Variants in DPP9 observed in about 807,000 individuals in gnomAD.
The protein encoded by DPP9 is dipeptidyl peptidase IV-related protein-2.
A neutral mutation model predicts 110.7 loss-of-function variants in DPP9; 50 were observed. The ratio of observed to expected loss-of-function variants is 0.45; its 90% CI spans 0.36 to 0.57. The LOEUF (loss-of-function observed/expected upper bound fraction) is 0.57. Among genes scored for constraint, DPP9 ranks in the 20% least tolerant of loss-of-function variants. The pLI is 0.00. For synonymous variants in DPP9, 561 were observed against 514.4 expected, an observed-to-expected ratio of 1.09 and a Z score of -1.23; for missense variants, 1,022 against 1,217.9, an observed-to-expected ratio of 0.84 and a Z score of 2.39.
intron 13 of DPP9, among the ~76,000 whole-genome samples, chr19:4,692,392 G>A (rs966993944): frequency 5.9e-5 from 9 of 152,162 alleles, no homozygotes; most frequent in Non-Finnish European, 7.4e-5. Context: ...TTTCCCTGGC[G>A]TAGAGGTCTG....
At position 4,694,090 on chromosome 19, in the gene DPP9, C is replaced by T. The variant is rs2091571906; in HGVS notation, c.1516+571G>A. Among the ~76,000 whole-genome samples the T allele has an allele frequency of 6.6e-6, 1 of 151,038 alleles. No homozygotes were observed. The highest frequency in any genetic ancestry group is 2.4e-5 in the African/African-American group (1 of 41,382). On this transcript the variant is annotated intron_variant, in intron 13 of 21. Coordinates refer to ENST00000262960, the MANE Select transcript of DPP9 (RefSeq NM_139159.5). This position sits in a 1 kb window ranked among gnomAD's most constrained non-coding sequence, Gnocchi z 4.0. ...ACGCACATCACACCAGAGGCAGCACCTCTAACTGTTTCTGGAATACTGCCT... is the reference window on the plus strand; with the variant it reads ...ACGCACATCACACCAGAGGCAGCACTTCTAACTGTTTCTGGAATACTGCCT...
Position 4,695,586 on chromosome 19 carries a change from G to T in DPP9, c.1176-31C>A, listed in dbSNP as rs1568314527. 2 of 1,440,014 alleles carry T rather than the reference G, an allele frequency of 1.4e-6. No homozygotes were observed. The highest frequency in any genetic ancestry group is 1.8e-6 in the Non-Finnish European group (2 of 1,094,638). The allele number at this position is 1,440,014 out of a possible 1,614,324, so 89.2% of individuals were successfully genotyped here. ...GGGGAAGATGCGGGGGAAGATGAGA[G>T]GGAAGCTGGGAGCCTCAGTGGCCTG... On this transcript the variant is annotated intron_variant, in intron 11 of 21. Transcript: ENST00000262960. This position sits in a 1 kb window ranked among gnomAD's most constrained non-coding sequence, Gnocchi z 4.7.
intron 3 of DPP9, among the ~76,000 whole-genome samples, chr19:4,716,331 G>A (rs1228454872): frequency 7.2e-5 from 11 of 152,132 alleles, no homozygotes; most frequent in Non-Finnish European, 1.3e-4. Context: ...GGATGTCAAC[G>A]AGCGCCTTTG....
chr19:4,714,422 G>T, intron 3 of DPP9, 85 bp from the exon 4 acceptor site: 1 of 1,427,000 alleles, frequency 7.0e-7, no homozygotes, highest in Non-Finnish European at 9.2e-7. Context: ...GAGGCACTCA[G>T]GTTCTTCCAG....
At chr19:4,683,668 C>T (rs1228393090) in intron 18 of DPP9, 39 bp from the exon 19 acceptor site, 2 of 1,613,036 alleles carry the variant, frequency 1.2e-6, no homozygotes, top group African/African-American at 1.3e-5. Flanking sequence ...TGGCCTCCTC[C>T]CGGTATGTCC....
At position 4,682,906 on chromosome 19, in the gene DPP9, G is replaced by T; in HGVS notation, c.2332-68C>A. On this transcript the variant is annotated intron_variant, in intron 19 of 21. Transcript: ENST00000262960. This position sits in a 1 kb window ranked among gnomAD's most constrained non-coding sequence, Gnocchi z 7.1. Reference sequence around the variant, plus strand: ...AAACAGGCGTCGGGTCCTACAGCCAGCATCAGCCGCTGTCCCGGGGCCGCC... The same window carrying T: ...AAACAGGCGTCGGGTCCTACAGCCATCATCAGCCGCTGTCCCGGGGCCGCC... 6.5e-7 allele frequency: 1 copy of T among 1,541,314 alleles called. No homozygotes were observed.
chr19:4,721,297 T>C (rs1225960195), intron 2 of DPP9, among the ~76,000 whole-genome samples: 2 of 152,210 alleles, frequency 1.3e-5, no homozygotes, highest in Admixed American at 6.5e-5. Flanking sequence ...GCCACATCTA[T>C]CCTGGTCCCA....
At chr19:4,697,494 G>A in intron 11 of DPP9, 57 bp downstream of exon 11, 1 of 1,459,874 alleles carries the variant, frequency 6.8e-7, no homozygotes, top group Non-Finnish European at 9.4e-7. Flanking sequence ...TTCGGTGGCT[G>A]CCCAGGGCCC....
chr19:4,693,020 C>A lies in DPP9; in HGVS notation c.1516+1641G>T, dbSNP rs2091465635. Among the ~76,000 whole-genome samples the A allele has an allele frequency of 6.6e-6, 1 of 152,140 alleles. No individual in the cohort carries two copies. Among genetic ancestry groups the A allele is most frequent in the African/African-American group, 2.4e-5 (1 of 41,442 alleles). On this transcript the variant is annotated intron_variant, in intron 13 of 21. Transcript: ENST00000262960. The surrounding 1 kb of genome is among the most constrained non-coding windows in gnomAD (Gnocchi z 5.0). ...AGCTCCTGCAGTCCCGGATGCCTCG[C>A]TCCCTGGGGTCTCTGTCCCCTGTGT...
At position 4,682,878 on chromosome 19, in the gene DPP9, G is replaced by A. The variant is rs1031223791; in HGVS notation, c.2332-40C>T. 2.6e-6 allele frequency: 4 copies of A among 1,556,712 alleles called. No homozygotes were observed. In the African/African-American group the frequency reaches 4.1e-5, roughly 16 times the overall value. On this transcript the variant is annotated intron_variant, in intron 19 of 21. Coordinates refer to ENST00000262960, the MANE Select transcript of DPP9 (RefSeq NM_139159.5). This position sits in a 1 kb window ranked among gnomAD's most constrained non-coding sequence, Gnocchi z 7.1. ...AGACAGATGGGGGCAGAGAGAGAGA[G>A]AGAAACAGGCGTCGGGTCCTACAGC...
intron 4 of DPP9, among the ~76,000 whole-genome samples, chr19:4,713,563 C>G (rs545824225): frequency 6.6e-6 from 1 of 152,222 alleles, no homozygotes; most frequent in Non-Finnish European, 1.5e-5. Flanking sequence ...GTGCTGTCAC[C>G]GGCGGCAAAC....
At chr19:4,716,250 C>A (rs76887206) in intron 3 of DPP9, 2 of 152,160 alleles carry the variant, frequency 1.3e-5, no homozygotes, top group Non-Finnish European at 2.9e-5. Context: ...AAGAGGAGAC[C>A]CCACAGGGTA....
rs1423851464 is a variant in DPP9, at chr19:4,676,610, T to C, written c.2633A>G (p.Glu878Gly). Residue 878 changes from glutamate to glycine, a missense_variant, in exon 22 of 22, where the codon GAG becomes GGG. By Grantham distance (98) the Glu-to-Gly change is moderately conservative. Coordinates refer to ENST00000262960, the MANE Select transcript of DPP9 (RefSeq NM_139159.5). The surrounding 1 kb of genome is among the most constrained non-coding windows in gnomAD (Gnocchi z 4.0). ...GTGCAGCAACGTGACTTCATAGTGC[T>C]CGCCCGACTCGGGGCAGCGAATACT... is the stretch of plus-strand genomic sequence containing the variant. ...RHSIRCPESG[E>G]HYEVTLLHFL... 6.2e-7 allele frequency: 1 copy of C among 1,609,016 alleles called. No individual in the cohort carries two copies. The highest frequency in any genetic ancestry group is 1.1e-5 in the South Asian group (1 of 90,064).
intron 4 of DPP9, among the ~76,000 whole-genome samples, chr19:4,713,847 C>T (rs748626810): frequency 1.3e-5 from 2 of 152,156 alleles, no homozygotes; most frequent in Non-Finnish European, 2.9e-5. Context: ...GCGGGGCTGC[C>T]CTGTGCATGG....
chr19:4,722,502 C>T lies in DPP9; in HGVS notation c.-39G>A. On this transcript the variant is annotated 5_prime_UTR_variant, in exon 2 of 22. It removes the in-frame stop codon of an upstream open reading frame in the 5' UTR. Transcript: ENST00000262960. Reference sequence around the variant, plus strand: ...GCCAAACCCCAGCACAACTGACCTTCTAAAGGGTCCAGAGAGCCTCCATTC... The same window carrying T: ...GCCAAACCCCAGCACAACTGACCTTTTAAAGGGTCCAGAGAGCCTCCATTC... 1 of 703,120 alleles carries T rather than the reference C, an allele frequency of 1.4e-6. No individual in the cohort carries two copies. The allele number at this position is 703,120 out of a possible 1,614,324, so 43.6% of individuals were successfully genotyped here. A position where few individuals can be genotyped will look rare whatever the true frequency, so the allele number is the denominator to read the frequency against.
intron 3 of DPP9, 141 bp from the exon 4 acceptor site, chr19:4,714,478 G>T: frequency 8.8e-7 from 1 of 1,132,100 alleles, no homozygotes; most frequent in Non-Finnish European, 1.2e-6. Context: ...AACACTTCTT[G>T]GGTTGGTCTA....
Position 4,704,323 on chromosome 19 carries a change from C to T in DPP9, c.427-19G>A, listed in dbSNP as rs766879068. 3.1e-6 allele frequency: 5 copies of T among 1,596,752 alleles called. No homozygotes were observed. Among genetic ancestry groups the T allele is most frequent in the Non-Finnish European group, 4.3e-6 (5 of 1,170,038 alleles). On this transcript the variant is annotated intron_variant, in intron 5 of 21. Coordinates refer to ENST00000262960, the MANE Select transcript of DPP9 (RefSeq NM_139159.5). The surrounding 1 kb of genome is among the most constrained non-coding windows in gnomAD (Gnocchi z 6.0). ...GCGTGGCCTGGAAACATACAGGGGA[C>T]AGGGGGCAGCGTCAGTGGGCAAAGA...
chr19:4,696,120 C>T (rs890429870), intron 11 of DPP9, among the ~76,000 whole-genome samples: 7 of 152,094 alleles, frequency 4.6e-5, no homozygotes, highest in South Asian at 2.1e-4. Flanking sequence ...AGGCTAGTCT[C>T]GAACTCCTGA....
intron 4 of DPP9, among the ~76,000 whole-genome samples, chr19:4,711,898 A>T (rs1443932013): frequency 6.6e-6 from 1 of 152,028 alleles, no homozygotes; most frequent in Non-Finnish European, 1.5e-5. Context: ...CCACAAGCCA[A>T]GGGATGCTGG....
Sources: gnomAD v4.1 joint callset for allele counts (sites outside exome capture counted in the v4.1 genomes callset) on GRCh38, gnomAD v4.1.1 for gene constraint, Gnocchi (gnomAD v3.1) non-coding constraint, MANE v1.5 for transcripts, NCBI Gene and HGNC (gene_info 2026-07-23, HGNC 2026-07-21) for gene names.